LDB2: variants seen among roughly 807,000 people sequenced by gnomAD.
LDB2 encodes LIM domain-binding protein 2.
A neutral mutation model predicts 44.3 loss-of-function variants in LDB2; 12 were observed. The ratio of observed to expected loss-of-function variants is 0.27; its 90% CI spans 0.17 to 0.44. LDB2 has a LOEUF of 0.44. LDB2 is among the 20% of genes least tolerant of loss of function. LDB2 has a pLI of 1.00. For missense variants in LDB2, 344 were observed against 473.5 expected (o/e 0.73, Z 2.54); for synonymous variants, 164 against 174.8 (o/e 0.94, Z 0.49).
At chr4:16,738,130 A>T (rs539553764) in intron 2 of LDB2, among the ~76,000 whole-genome samples, 1 of 152,304 alleles carries the variant, frequency 6.6e-6, no homozygotes, top group African/African-American at 2.4e-5. Flanking sequence ...GATTTAGGAG[A>T]TCTATTTAGA....
At chr4:16,612,725 A>T (rs1346184187) in intron 2 of LDB2, among the ~76,000 whole-genome samples, 2 of 152,182 alleles carry the variant, frequency 1.3e-5, no homozygotes, top group Non-Finnish European at 2.9e-5. Context: ...CCTACCAAAC[A>T]AAAAAGCCCA....
intron 1 of LDB2, among the ~76,000 whole-genome samples, chr4:16,786,658 G>A (rs1306364723): frequency 2.6e-5 from 4 of 152,146 alleles, no homozygotes; most frequent in Admixed American, 6.5e-5. Context: ...AGACATTAGG[G>A]GCTAGGAAAG....
At chr4:16,695,997 G>C (rs1019020335) in intron 2 of LDB2, among the ~76,000 whole-genome samples, 1 of 152,274 alleles carries the variant, frequency 6.6e-6, no homozygotes, top group South Asian at 2.1e-4. Context: ...TATCATCATT[G>C]CATTGCTCTG....
At chr4:16,763,338 T>C (rs1253529698) in intron 1 of LDB2, among the ~76,000 whole-genome samples, 2 of 152,088 alleles carry the variant, frequency 1.3e-5, no homozygotes, top group African/African-American at 2.4e-5. Flanking sequence ...AACTTGATTG[T>C]GGACCCTACT....
At chr4:16,850,366 A>G (rs1016872713) in intron 1 of LDB2, among the ~76,000 whole-genome samples, 5 of 151,894 alleles carry the variant, frequency 3.3e-5, no homozygotes, top group African/African-American at 1.2e-4. Context: ...TTTCCCTTGC[A>G]TGCAAAAAAA....
intron 2 of LDB2, among the ~76,000 whole-genome samples, chr4:16,683,202 A>G (rs748581944): frequency 5.9e-5 from 9 of 152,218 alleles, no homozygotes; most frequent in Non-Finnish European, 1.2e-4. Flanking sequence ...ATCTCTAAAT[A>G]CATTCATGTT....
At chr4:16,562,401 C>G (rs573061853) in intron 5 of LDB2, among the ~76,000 whole-genome samples, 1 of 152,100 alleles carries the variant, frequency 6.6e-6, no homozygotes. Flanking sequence ...AAAAAGTGGG[C>G]GAAGGACATG....
chr4:16,570,461 T>A (rs1445665755), intron 5 of LDB2, among the ~76,000 whole-genome samples: 1 of 3,840 alleles, frequency 2.6e-4, no homozygotes, highest in East Asian at 2.6e-3. Flanking sequence ...AGACTCTGTC[T>A]CAAAAAAAAA....
At chr4:16,599,109 T>C (rs918274789) in intron 2 of LDB2, among the ~76,000 whole-genome samples, 1 of 152,098 alleles carries the variant, frequency 6.6e-6, no homozygotes, top group Non-Finnish European at 1.5e-5. Context: ...ATTGTATTAG[T>C]TTCCTGTTGT....
chr4:16,873,307 T>A (rs1441397524), intron 1 of LDB2, among the ~76,000 whole-genome samples: 1 of 152,164 alleles, frequency 6.6e-6, no homozygotes, highest in South Asian at 2.1e-4. Context: ...TGACTTTAAT[T>A]TTTTTACATT....
At chr4:16,559,619 AGACTTTAACACCCCACT>A (rs1412807856) in intron 5 of LDB2, among the ~76,000 whole-genome samples, 2 of 152,172 alleles carry the variant, frequency 1.3e-5, no homozygotes, top group Non-Finnish European at 2.9e-5. Context: ...TAATAATGGG[AGACTTTAACACCCCACT>A]GTCAACATTA....
intron 1 of LDB2, among the ~76,000 whole-genome samples, chr4:16,859,654 T>C (rs1711813209): frequency 6.6e-6 from 1 of 152,146 alleles, no homozygotes; most frequent in Admixed American, 6.5e-5. Context: ...ACAGAGAACT[T>C]GTAAAGCTGG....
intron 1 of LDB2, among the ~76,000 whole-genome samples, chr4:16,807,096 T>G (rs1053619355): frequency 2.6e-5 from 4 of 152,200 alleles, no homozygotes; most frequent in Admixed American, 2.6e-4. Context: ...CTTACATGTG[T>G]TTGTGGCCCT....
intron 1 of LDB2, among the ~76,000 whole-genome samples, chr4:16,892,248 G>A (rs1723633983): frequency 6.6e-6 from 1 of 152,074 alleles, no homozygotes. Context: ...TTATCAAATT[G>A]TAAGCTTCTA....
chr4:16,774,058 G>C (rs376466921), intron 1 of LDB2, among the ~76,000 whole-genome samples: 1 of 149,580 alleles, frequency 6.7e-6, no homozygotes, highest in Middle Eastern at 3.3e-3. Flanking sequence ...GGGGGGCTGA[G>C]GCAGGAGAAT....
At position 16,559,679 on chromosome 4, in the gene LDB2, T is replaced by G. The variant is rs533733212; in HGVS notation, c.615+26243A>C. 9.7e-3 allele frequency among the ~76,000 whole-genome samples: 1,470 copies of G among 152,060 alleles called. 24 individuals are homozygous for G. Among genetic ancestry groups the G allele is most frequent in the African/African-American group, 0.034 (1,400 of 41,468 alleles). ...CAACGAGACAGAAAGTCAACAAGGATACCCAGGAATTGAACTCAGCTCTGC... is the reference window on the plus strand; with the variant it reads ...CAACGAGACAGAAAGTCAACAAGGAGACCCAGGAATTGAACTCAGCTCTGC... On this transcript the variant is annotated intron_variant, in intron 5 of 7. Coordinates refer to ENST00000304523, the MANE Select transcript of LDB2 (RefSeq NM_001290.5).
chr4:16,811,338 A>ATATT lies in LDB2; in HGVS notation c.133-52082_133-52079dup, dbSNP rs554637489. Among the ~76,000 whole-genome samples, 31 of 152,348 alleles carry ATATT rather than the reference A, an allele frequency of 2.0e-4. No individual in the cohort carries two copies. In the South Asian group the frequency reaches 6.4e-3, roughly 32 times the overall value. On this transcript the variant is annotated intron_variant, in intron 1 of 7. Coordinates refer to ENST00000304523, the MANE Select transcript of LDB2 (RefSeq NM_001290.5). ...ATACCAAGCAGATACCTCACTTAGT[A>ATATT]TATTTACTCAGTTGATGCTTTCTGT...
At chr4:16,595,442 G>A (rs1344892721) in intron 3 of LDB2, among the ~76,000 whole-genome samples, 8 of 151,972 alleles carry the variant, frequency 5.3e-5, no homozygotes, top group Admixed American at 5.2e-4. Context: ...AAATTTAAAA[G>A]GCACTAGAAC....
At chr4:16,854,284 T>C (rs1009167982) in intron 1 of LDB2, among the ~76,000 whole-genome samples, 2 of 152,090 alleles carry the variant, frequency 1.3e-5, no homozygotes, top group Admixed American at 1.3e-4. Context: ...CAATAAAGTT[T>C]ACTTTTAAAA....
Sources: allele counts gnomAD v4.1 joint callset (sites outside exome capture counted in the v4.1 genomes callset), GRCh38; gene constraint gnomAD v4.1.1; transcripts MANE v1.5; gene names NCBI Gene and HGNC (gene_info 2026-07-23, HGNC 2026-07-21).